Variants in PLA2G4C observed in about 807,000 individuals in gnomAD.
The protein encoded by PLA2G4C is phospholipase A2 group IVC.
Under a neutral mutation model 73.8 loss-of-function variants are expected in PLA2G4C, and 64 were observed. The ratio of observed to expected loss-of-function variants is 0.87; its 90% CI spans 0.71 to 1.07. The LOEUF (loss-of-function observed/expected upper bound fraction) is 1.07. PLA2G4C is among the 50% of genes least tolerant of loss of function. The pLI, the probability that PLA2G4C is intolerant of heterozygous loss-of-function variation, is 0.00. For synonymous variants in PLA2G4C, 254 were observed against 252.1 expected, an observed-to-expected ratio of 1.01 and a Z score of -0.07; for missense variants, 622 against 665.4, an observed-to-expected ratio of 0.93 and a Z score of 0.72.
At position 48,092,102 on chromosome 19, in the gene PLA2G4C, C is replaced by T. The variant is rs569511224; in HGVS notation, c.710-1685G>A. Among the ~76,000 whole-genome samples, 104 of 151,522 alleles carry T rather than the reference C, an allele frequency of 6.9e-4. 1 individual carries two copies. The highest frequency in any genetic ancestry group is 2.4e-3 in the African/African-American group (98 of 41,204). ...TTTTTTGAGATAGCCCAGGCTGGAG[C>T]GCAATGGCGCGATCTCCGCTCACTG... On this transcript the variant is annotated intron_variant, in intron 7 of 16. Coordinates refer to ENST00000599921, the MANE Select transcript of PLA2G4C (RefSeq NM_003706.3).
At position 48,098,232 on chromosome 19, in the gene PLA2G4C, T is replaced by C. The variant is rs373122190; in HGVS notation, c.475A>G (p.Lys159Glu). ...ELPESHLSNM[K>E]KPVEEGTLPY... ...AGTGTCCCTTCTTCCACGGGCTTCT[T>C]CATATTGGACAAATGAGACTCCGGC... Residue 159 changes from lysine (K) to glutamate (E), a missense_variant, in exon 6 of 17, where the codon AAG becomes GAG. Lys to Glu is a moderately conservative substitution (Grantham distance 56). Coordinates refer to ENST00000599921, the MANE Select transcript of PLA2G4C (RefSeq NM_003706.3). 9.9e-6 allele frequency: 16 copies of C among 1,613,258 alleles called. No individual in the cohort carries two copies. Among genetic ancestry groups the C allele is most frequent in the African/African-American group, 4.0e-5 (3 of 74,850 alleles).
intron 16 of PLA2G4C, 104 bp downstream of exon 16, chr19:48,052,893 C>G: frequency 7.9e-7 from 1 of 1,270,946 alleles, no homozygotes; most frequent in South Asian, 1.5e-5. Context: ...CACTGCCTAT[C>G]TTTTTTCACC....
chr19:48,099,243 T>C (rs2031774564), intron 5 of PLA2G4C, among the ~76,000 whole-genome samples: 1 of 152,100 alleles, frequency 6.6e-6, no homozygotes, highest in African/African-American at 2.4e-5. Flanking sequence ...CACTCCAGCC[T>C]GGGTGACAGA....
chr19:48,070,289 T>G lies in PLA2G4C; in HGVS notation c.1007-2403A>C, dbSNP rs551995679. Reference sequence around the variant, plus strand: ...CTGTGAAGGTATTTTGTAGATGTGGTTGACAGCTAAAATCAGTTGACTTCA... The same window carrying G: ...CTGTGAAGGTATTTTGTAGATGTGGGTGACAGCTAAAATCAGTTGACTTCA... On this transcript the variant is annotated intron_variant, in intron 12 of 16. Coordinates refer to ENST00000599921, the MANE Select transcript of PLA2G4C (RefSeq NM_003706.3). Among the ~76,000 whole-genome samples, 11 of 152,318 alleles carry G rather than the reference T, an allele frequency of 7.2e-5. 1 individual carries two copies. The East Asian group carries it at 1.5e-3, about 21-fold the overall frequency.
intron 4 of PLA2G4C, among the ~76,000 whole-genome samples, chr19:48,101,118 ATATATATAT>A (rs1183128349): frequency 9.5e-4 from 68 of 71,604 alleles, no homozygotes; most frequent in African/African-American, 5.7e-3. Context: ...ATATATATAT[ATATATATAT>A]TTTTTTTTTT....
At chr19:48,062,365 C>T (rs952124526) in intron 13 of PLA2G4C, 28 of 408,818 alleles carry the variant, frequency 6.8e-5, no homozygotes, top group Non-Finnish European at 1.0e-4. Flanking sequence ...AATCCCAGCA[C>T]TTTGGGGGCT....
At chr19:48,066,414 C>T (rs952747306) in intron 13 of PLA2G4C, among the ~76,000 whole-genome samples, 3 of 152,148 alleles carry the variant, frequency 2.0e-5, no homozygotes, top group Non-Finnish European at 2.9e-5. Flanking sequence ...ATGGTGTATT[C>T]CGAGGCCATA....
At position 48,072,014 on chromosome 19, in the gene PLA2G4C, T is replaced by C. The variant is rs1288331093; in HGVS notation, c.1006+2753A>G. On this transcript the variant is annotated intron_variant, in intron 12 of 16. Coordinates refer to ENST00000599921, the MANE Select transcript of PLA2G4C (RefSeq NM_003706.3). This position sits in a 1 kb window ranked among gnomAD's most constrained non-coding sequence, Gnocchi z 4.4. ...TACAAAAATTAGCCGGGTGTGGTGG[T>C]GCATGCCTGTGGTCCCAGCTACTCG... is the stretch of plus-strand genomic sequence containing the variant. Among the ~76,000 whole-genome samples, 3 of 151,236 alleles carry C rather than the reference T, an allele frequency of 2.0e-5. No homozygotes were observed. Among genetic ancestry groups the C allele is most frequent in the African/African-American group, 7.3e-5 (3 of 41,214 alleles).
At chr19:48,108,148 A>G (rs1348320991) in intron 1 of PLA2G4C, among the ~76,000 whole-genome samples, 1 of 152,072 alleles carries the variant, frequency 6.6e-6, no homozygotes, top group Non-Finnish European at 1.5e-5. Context: ...GTCTCCGCAC[A>G]TGGGGAGAAA....
chr19:48,083,265 ATATTTGATGTATATT>A, intron 10 of PLA2G4C, among the ~76,000 whole-genome samples: 1 of 152,240 alleles, frequency 6.6e-6, no homozygotes, highest in South Asian at 2.1e-4. Context: ...CCAATCTTGT[ATATTTGATGTATATT>A]TACATTTATT....
intron 7 of PLA2G4C, among the ~76,000 whole-genome samples, chr19:48,092,782 T>TATACGCCCCATTG (rs1568446478): frequency 1.3e-5 from 2 of 152,128 alleles, no homozygotes; most frequent in Non-Finnish European, 2.9e-5. Flanking sequence ...TAGTATTCAA[T>TATACGCCCCATTG]GGGCGTAGAG....
rs1568451759 is a variant in PLA2G4C at position 48,099,777 on chromosome 19, C to T, written c.341G>A (p.Trp114Ter). The T allele has an allele frequency of 1.2e-6, 2 of 1,613,804 alleles. No individual in the cohort carries two copies. The highest frequency in any genetic ancestry group is 1.7e-6 in the Non-Finnish European group (2 of 1,179,822). ...DLKHRFTRQEWDLAKSLQKTI... is the reference protein window; with the variant it reads ...DLKHRFTRQE ...TTTCTGTAGGCTCTTAGCCAAGTCC[C>T]ACTCCTGTCGGGTAAATCGATGTTT... The change falls in exon 5 of 17, where the codon TGG becomes TAG. Residue 114 changes from tryptophan to a stop codon, truncating the protein, a stop_gained. Transcript: ENST00000599921. LOFTEE classifies it high-confidence loss of function.
chr19:48,074,761 T>C lies in PLA2G4C; in HGVS notation c.1006+6A>G, dbSNP rs764369007. 1.3e-5 allele frequency: 20 copies of C among 1,594,136 alleles called. No homozygotes were observed. Among genetic ancestry groups the C allele is most frequent in the Non-Finnish European group, 1.7e-5 (20 of 1,161,894 alleles). On this transcript the variant is annotated splice_donor_region_variant and intron_variant, in intron 12 of 16. Transcript: ENST00000599921. ...TTGATGACACTTATCACACTACACA[T>C]GGTACCTTTCCTTTCGGGGTCCTCA...
At chr19:48,059,608 C>T (rs921436003) in intron 14 of PLA2G4C, among the ~76,000 whole-genome samples, 8 of 152,062 alleles carry the variant, frequency 5.3e-5, no homozygotes, top group African/African-American at 1.7e-4. Context: ...GCTGGGTCCT[C>T]TGGCTTTCAT....
chr19:48,054,305 G>GTATT (rs908492508), intron 15 of PLA2G4C, among the ~76,000 whole-genome samples: 8 of 151,830 alleles, frequency 5.3e-5, no homozygotes, highest in South Asian at 2.1e-4. Flanking sequence ...CTGATGGTAT[G>GTATT]TATTTATTTA....
Position 48,060,727 on chromosome 19 carries a change from A to C in PLA2G4C, c.1257+1271T>G, listed in dbSNP as rs1456700542. Among the ~76,000 whole-genome samples, 8 of 152,146 alleles carry C rather than the reference A, an allele frequency of 5.3e-5. 1 individual carries two copies. Among genetic ancestry groups the C allele is most frequent in the African/African-American group, 1.9e-4 (8 of 41,424 alleles). The stretch of plus-strand genomic sequence containing the variant: ...GTCTTGGGATATTTATTTCAGCAGA[A>C]ATCCTAAGACCAGAAAGCCTGGGTA... On this transcript the variant is annotated intron_variant, in intron 14 of 16. Coordinates refer to ENST00000599921, the MANE Select transcript of PLA2G4C (RefSeq NM_003706.3).
At chr19:48,091,509 A>C (rs1056479109) in intron 7 of PLA2G4C, among the ~76,000 whole-genome samples, 4 of 149,566 alleles carry the variant, frequency 2.7e-5, no homozygotes, top group Non-Finnish European at 4.5e-5. Flanking sequence ...TTTGTAAGAA[A>C]ATTAATCCCA....
At position 48,072,041 on chromosome 19, in the gene PLA2G4C, G is replaced by A. The variant is rs914262266; in HGVS notation, c.1006+2726C>T. On this transcript the variant is annotated intron_variant, in intron 12 of 16. Coordinates refer to ENST00000599921, the MANE Select transcript of PLA2G4C (RefSeq NM_003706.3). The surrounding 1 kb of genome is among the most constrained non-coding windows in gnomAD (Gnocchi z 4.4). ...CATGCCTGTGGTCCCAGCTACTCGG[G>A]AGGCTGAGGCAGGAGAATCGCTTGA... 6.6e-6 allele frequency among the ~76,000 whole-genome samples: 1 copy of A among 151,886 alleles called. No homozygotes were observed. The highest frequency in any genetic ancestry group is 2.4e-5 in the African/African-American group (1 of 41,382).
chr19:48,053,529 T>C (rs1968377), intron 15 of PLA2G4C, among the ~76,000 whole-genome samples: 44,577 of 151,722 alleles, frequency 0.29, 7,318 homozygotes, highest in African/African-American at 0.44. Flanking sequence ...ATCACCACGC[T>C]TGGCTAATTT....
Sources: allele counts gnomAD v4.1 joint callset (sites outside exome capture counted in the v4.1 genomes callset), GRCh38; gene constraint gnomAD v4.1.1; non-coding constraint Gnocchi (gnomAD v3.1); transcripts MANE v1.5; gene names NCBI Gene and HGNC (gene_info 2026-07-23, HGNC 2026-07-21).